PCDHA2: variants seen among roughly 807,000 people sequenced by gnomAD.
The protein encoded by PCDHA2 is protocadherin alpha 2, also known as protocadherin alpha-2.
PCDHA2 carries 58 observed loss-of-function variants against 66.0 expected under a neutral mutation model. The observed-to-expected ratio is 0.88, with a 90% CI of 0.71 to 1.09. The LOEUF (loss-of-function observed/expected upper bound fraction) is 1.09. Ranked by LOEUF, PCDHA2 falls within the 50% of genes least tolerant of loss-of-function variation. PCDHA2 has a pLI of 0.00. For synonymous variants in PCDHA2, 634 were observed against 554.0 expected (o/e 1.14, Z -2.03); for missense variants, 1,267 against 1,242.3 (o/e 1.02, Z -0.30).
intron 1 of PCDHA2, chr5:140,857,929 G>A: frequency 1.3e-6 from 2 of 1,597,764 alleles, no homozygotes; most frequent in Non-Finnish European, 1.7e-6. Flanking sequence ...GGCTGTACAC[G>A]GGCGAGATCA....
intron 1 of PCDHA2, among the ~76,000 whole-genome samples, chr5:140,908,540 G>T (rs1562965244): frequency 6.6e-6 from 1 of 152,150 alleles, no homozygotes; most frequent in African/African-American, 2.4e-5. Flanking sequence ...TTCCACCAAA[G>T]CCCAGTAATA....
At chr5:140,918,263 G>A (rs2078602453) in intron 1 of PCDHA2, among the ~76,000 whole-genome samples, 1 of 152,214 alleles carries the variant, frequency 6.6e-6, no homozygotes, top group East Asian at 1.9e-4. Context: ...TTTGCTGGAG[G>A]TTTTATCAGA....
chr5:140,928,258 G>A lies in PCDHA2; in HGVS notation c.2389-50691G>A, dbSNP rs782503341. 15 of 1,614,094 alleles carry A rather than the reference G, an allele frequency of 9.3e-6. No individual in the cohort carries two copies. The Admixed American group carries it at 2.0e-4, about 22-fold the overall frequency. On this transcript the variant is annotated intron_variant, in intron 1 of 3. Transcript: ENST00000526136. The stretch of plus-strand genomic sequence containing the variant: ...ACCCCAGCAGGAACTTTTCGTTGCT[G>A]AAAACAATGGCCCTGGGGCCTCTCT...
At chr5:140,958,578 A>G (rs2095431763) in intron 1 of PCDHA2, among the ~76,000 whole-genome samples, 1 of 152,206 alleles carries the variant, frequency 6.6e-6, no homozygotes, top group Non-Finnish European at 1.5e-5. Context: ...TGAGATTTTA[A>G]ATGAGCTTAT....
chr5:140,928,185 C>T (rs371901224), intron 1 of PCDHA2: 1 of 1,614,064 alleles, frequency 6.2e-7, no homozygotes, highest in Non-Finnish European at 8.5e-7. Flanking sequence ...GAAGGACAAT[C>T]ACTGTGTCAG....
intron 1 of PCDHA2, chr5:140,867,342 T>C (rs1397691528): frequency 6.6e-6 from 1 of 152,154 alleles, no homozygotes; most frequent in Non-Finnish European, 1.5e-5. Flanking sequence ...GATTAGAGGC[T>C]ACTATGATTG....
chr5:140,907,648 G>T (rs2153502267), intron 1 of PCDHA2, among the ~76,000 whole-genome samples: 1 of 152,312 alleles, frequency 6.6e-6, no homozygotes, highest in East Asian at 1.9e-4. Flanking sequence ...TGGCAAATTG[G>T]GCACTCAGCA....
chr5:140,857,949 G>A (rs1554150927), intron 1 of PCDHA2: 3 of 1,597,424 alleles, frequency 1.9e-6, no homozygotes, highest in Non-Finnish European at 2.6e-6. Flanking sequence ...AGTACGACGC[G>A]CGCTCTGGAT....
chr5:140,841,368 T>C (rs2150314322), intron 1 of PCDHA2: 15 of 1,613,308 alleles, frequency 9.3e-6, no homozygotes, highest in Non-Finnish European at 1.3e-5. Flanking sequence ...CGACTACTAC[T>C]CTTGCTTCTG....
chr5:140,856,909 G>T, intron 1 of PCDHA2: 1 of 1,596,132 alleles, frequency 6.3e-7, no homozygotes, highest in African/African-American at 1.3e-5. Context: ...TCCCACCCAC[G>T]ATAAGAAGGA....
At chr5:140,822,276 G>A (rs1179110799) in intron 1 of PCDHA2, 2 of 1,614,126 alleles carry the variant, frequency 1.2e-6, no homozygotes, top group Non-Finnish European at 1.7e-6. Flanking sequence ...ATGCACAATT[G>A]AGATACAGGT....
intron 1 of PCDHA2, among the ~76,000 whole-genome samples, chr5:140,887,104 T>G (rs1554182871): frequency 6.6e-6 from 1 of 151,604 alleles, no homozygotes; most frequent in Admixed American, 6.6e-5. Flanking sequence ...TTTATCTCTT[T>G]TTTTTTTTTT....
chr5:140,809,596 T>G, intron 1 of PCDHA2: 2 of 1,533,028 alleles, frequency 1.3e-6, no homozygotes, highest in Non-Finnish European at 8.8e-7. Context: ...ATCCTTTTGT[T>G]TAATTTTCGT....
chr5:140,875,039 A>C (rs1443862423), intron 1 of PCDHA2, among the ~76,000 whole-genome samples: 1 of 152,230 alleles, frequency 6.6e-6, no homozygotes, highest in East Asian at 1.9e-4. Flanking sequence ...TATTTGAAAG[A>C]TTTCTACTTT....
At chr5:140,855,797 T>C in intron 1 of PCDHA2, 1 of 465,668 alleles carries the variant, frequency 2.1e-6, no homozygotes, top group South Asian at 4.0e-5. Context: ...AATTAACATA[T>C]GAATGAAAGA....
At chr5:140,912,465 C>T (rs2153521985) in intron 1 of PCDHA2, among the ~76,000 whole-genome samples, 1 of 151,968 alleles carries the variant, frequency 6.6e-6, no homozygotes, top group South Asian at 2.1e-4. Context: ...TATCCTGGAA[C>T]TTTACTGAAT....
At chr5:140,967,166 G>T (rs563863114) in intron 1 of PCDHA2, 1 of 1,611,394 alleles carries the variant, frequency 6.2e-7, no homozygotes, top group South Asian at 1.1e-5. Context: ...GGTGAGCGCC[G>T]TTGAGGTGGA....
chr5:140,795,980 A>G lies in PCDHA2; in HGVS notation c.1016A>G (p.Lys339Arg). The G allele has an allele frequency of 6.2e-7, 1 of 1,614,104 alleles. No homozygotes were observed. The highest frequency in any genetic ancestry group is 1.1e-5 in the South Asian group (1 of 91,072). ...TCAGGACATTGTAAAATTTCATTAA[A>G]ACTTGTGGACATCAATGATAACACA... is the stretch of plus-strand genomic sequence containing the variant. ...SMSGHCKISL[K>R]LVDINDNTPE... is the part of the protein sequence containing the mutation. Residue 339 changes from lysine (K) to arginine (R), a missense_variant, in exon 1 of 4, where the codon AAA becomes AGA. Lys to Arg is a conservative substitution (Grantham distance 26). Coordinates refer to ENST00000526136, the MANE Select transcript of PCDHA2 (RefSeq NM_018905.3).
chr5:140,992,216 C>G (rs1554252754), intron 3 of PCDHA2, among the ~76,000 whole-genome samples: 1 of 152,100 alleles, frequency 6.6e-6, no homozygotes, highest in African/African-American at 2.4e-5. Flanking sequence ...AAACTACTCT[C>G]CCTTCCTGGG....
Sources: gnomAD v4.1 joint callset for allele counts (sites outside exome capture counted in the v4.1 genomes callset) on GRCh38, gnomAD v4.1.1 for gene constraint, MANE v1.5 for transcripts, NCBI Gene and HGNC (gene_info 2026-07-23, HGNC 2026-07-21) for gene names.